The following RBFOX1 variants were observed in gnomAD, a reference collection of about 807,000 sequenced individuals.
RBFOX1 encodes RNA binding fox-1 homolog 1, also known as RNA binding protein fox-1 homolog 1.
A neutral mutation model predicts 57.7 loss-of-function variants in RBFOX1; 8 were observed. The observed-to-expected ratio is 0.14, with a 90% CI of 0.08 to 0.25. The LOEUF is 0.25. RBFOX1 is among the 10% of genes least tolerant of loss of function. The probability of loss-of-function intolerance (pLI) is 1.00; values close to 1 mark genes in which losing one functional copy is unlikely to be tolerated. For missense variants in RBFOX1, 611 were observed against 548.5 expected (o/e 1.11, Z -1.14); for synonymous variants, 326 against 222.4 (o/e 1.47, Z -4.15).
intron 3 of RBFOX1, among the ~76,000 whole-genome samples, chr16:6,676,835 C>G (rs998282257): frequency 1.3e-5 from 2 of 151,856 alleles, no homozygotes; most frequent in Non-Finnish European, 2.9e-5. Flanking sequence ...GCCACCACTC[C>G]CAGCTAATTT....
At chr16:6,405,262 T>C (rs2093235209) in intron 2 of RBFOX1, among the ~76,000 whole-genome samples, 1 of 152,216 alleles carries the variant, frequency 6.6e-6, no homozygotes, top group Non-Finnish European at 1.5e-5. Context: ...TGAGATGGGC[T>C]GCAAATCCTC....
In RBFOX1 at chr16:5,901,731, C is replaced by G. The variant is rs143322543; in HGVS notation, c.351+34396C>G. Among the ~76,000 whole-genome samples, 430 of 152,312 alleles carry G rather than the reference C, an allele frequency of 2.8e-3. 1 individual carries two copies. Among genetic ancestry groups the G allele is most frequent in the African/African-American group, 9.9e-3 (411 of 41,576 alleles). The stretch of plus-strand genomic sequence containing the variant: ...GCAAGGTTATAGGACGTTTTCATCA[C>G]TACAGAATTTTTTGGGGGCAGTGAT... On this transcript the variant is annotated intron_variant, in intron 4 of 19. Transcript: ENST00000641259.
At chr16:6,800,489 C>T (rs139956473) in intron 3 of RBFOX1, among the ~76,000 whole-genome samples, 1 of 152,108 alleles carries the variant, frequency 6.6e-6, no homozygotes, top group South Asian at 2.1e-4. Flanking sequence ...GTCGGAGCAT[C>T]TGCATTTCTA....
chr16:6,150,185 A>T (rs1175787351), intron 1 of RBFOX1, among the ~76,000 whole-genome samples: 1 of 152,198 alleles, frequency 6.6e-6, no homozygotes, highest in East Asian at 1.9e-4. Context: ...GAGAGGAAGC[A>T]TATCGTGAGA....
intron 1 of RBFOX1, among the ~76,000 whole-genome samples, chr16:6,146,111 C>T (rs2096756147): frequency 6.6e-6 from 1 of 152,114 alleles, no homozygotes; most frequent in Non-Finnish European, 1.5e-5. Flanking sequence ...TAGCCTGAAG[C>T]ACCTTTCTGA....
chr16:6,381,943 C>G (rs1236081205), intron 2 of RBFOX1, among the ~76,000 whole-genome samples: 1 of 152,186 alleles, frequency 6.6e-6, no homozygotes, highest in African/African-American at 2.4e-5. Context: ...GGTCGATCAT[C>G]CTCTCCTAGG....
chr16:6,883,821 ATCTC>A (rs1433410704), intron 3 of RBFOX1, among the ~76,000 whole-genome samples: 1 of 151,010 alleles, frequency 6.6e-6, no homozygotes, highest in East Asian at 1.9e-4. Flanking sequence ...CTCTATTATT[ATCTC>A]TTTTTTCCCC....
At chr16:7,478,708 C>A (rs1426662906) in intron 4 of RBFOX1, among the ~76,000 whole-genome samples, 1 of 152,170 alleles carries the variant, frequency 6.6e-6, no homozygotes, top group Non-Finnish European at 1.5e-5. Flanking sequence ...ATGAAAAATT[C>A]AATCCATTTG....
intron 2 of RBFOX1, among the ~76,000 whole-genome samples, chr16:6,599,947 A>T (rs112873863): frequency 0.034 from 5,111 of 152,260 alleles, 315 homozygotes; most frequent in African/African-American, 0.12. Flanking sequence ...CAAAGCATTG[A>T]ACGCAGTCCA....
chr16:5,739,179 G>T (rs960947831), intron 3 of RBFOX1, among the ~76,000 whole-genome samples: 1 of 152,210 alleles, frequency 6.6e-6, no homozygotes, highest in African/African-American at 2.4e-5. Flanking sequence ...CACATAGAAG[G>T]TCTGTGATAA....
chr16:7,469,414 C>A (rs895554732), intron 4 of RBFOX1, among the ~76,000 whole-genome samples: 8 of 152,148 alleles, frequency 5.3e-5, no homozygotes, highest in African/African-American at 1.9e-4. Flanking sequence ...TTTGTCTCAT[C>A]TTCAGACCTT....
intron 1 of RBFOX1, among the ~76,000 whole-genome samples, chr16:5,324,335 C>T (rs544072892): frequency 4.6e-5 from 7 of 152,130 alleles, no homozygotes; most frequent in East Asian, 3.9e-4. Flanking sequence ...TGGTGGTGCA[C>T]GCCTGTAATC....
intron 3 of RBFOX1, among the ~76,000 whole-genome samples, chr16:5,827,400 A>AG (rs201254497): frequency 9.1e-6 from 1 of 109,632 alleles, no homozygotes. Context: ...ACTCCATCTC[A>AG]GGGAAAAAAA....
intron 3 of RBFOX1, among the ~76,000 whole-genome samples, chr16:5,729,401 T>A (rs1345731006): frequency 6.8e-6 from 1 of 148,076 alleles, no homozygotes; most frequent in Non-Finnish European, 1.5e-5. Context: ...CTTTTCTTTT[T>A]TTTTTTTTTT....
intron 2 of RBFOX1, among the ~76,000 whole-genome samples, chr16:5,536,827 C>T (rs1475429261): frequency 1.3e-5 from 2 of 152,058 alleles, no homozygotes; most frequent in African/African-American, 4.8e-5. Flanking sequence ...GGGAGTTGGT[C>T]AACAGACAGC....
At chr16:6,492,600 A>AT (rs1207766305) in intron 2 of RBFOX1, among the ~76,000 whole-genome samples, 1 of 143,900 alleles carries the variant, frequency 6.9e-6, no homozygotes, top group Non-Finnish European at 1.6e-5. Context: ...AAATAAATAA[A>AT]TAAGTATGTA....
intron 2 of RBFOX1, among the ~76,000 whole-genome samples, chr16:5,561,266 T>TA (rs141713951): frequency 0.031 from 4,765 of 152,022 alleles, 253 homozygotes; most frequent in African/African-American, 0.11. Context: ...CAACTTTCTT[T>TA]AAAAAAAATT....
At chr16:5,533,870 G>C (rs1300090842) in intron 2 of RBFOX1, among the ~76,000 whole-genome samples, 2 of 152,152 alleles carry the variant, frequency 1.3e-5, no homozygotes. Context: ...AAAGAGAGGT[G>C]GGCAGGGGTG....
intron 3 of RBFOX1, among the ~76,000 whole-genome samples, chr16:6,869,007 A>G (rs898442614): frequency 3.9e-5 from 6 of 152,200 alleles, no homozygotes; most frequent in Middle Eastern, 3.2e-3. Context: ...AGTGACTACA[A>G]AAAACAAAAG....
Sources: allele counts gnomAD v4.1 joint callset (sites outside exome capture counted in the v4.1 genomes callset), GRCh38; gene constraint gnomAD v4.1.1; transcripts MANE v1.5; gene names NCBI Gene and HGNC (gene_info 2026-07-23, HGNC 2026-07-21).